MIB1: variants seen among roughly 807,000 people sequenced by gnomAD.
MIB1 encodes the protein E3 ubiquitin-protein ligase MIB1.
Under a neutral mutation model 124.5 loss-of-function variants are expected in MIB1, and 278 were observed. The ratio of observed to expected loss-of-function variants is 2.23; its 90% confidence interval spans 2.02 to 2.47. The LOEUF is 2.47. Among genes scored for constraint, MIB1 ranks in the 30% most tolerant of loss-of-function variants. The probability of loss-of-function intolerance (pLI) is 0.00; values close to 1 mark genes in which losing one functional copy is unlikely to be tolerated. For missense variants in MIB1, 957 were observed against 1,254.4 expected, an observed-to-expected ratio of 0.76 and a Z score of 3.58; for synonymous variants, 446 against 429.4, an observed-to-expected ratio of 1.04 and a Z score of -0.48.
At chr18:21,854,492 A>T (rs940581167) in intron 18 of MIB1, 4 of 153,804 alleles carry the variant, frequency 2.6e-5, no homozygotes, top group African/African-American at 9.7e-5. Context: ...CCTACATGAG[A>T]CTTGAAAGAT....
At chr18:21,831,389 C>T (rs1568218977) in intron 12 of MIB1, 1 of 151,358 alleles carries the variant, frequency 6.6e-6, no homozygotes, top group Non-Finnish European at 1.5e-5. Flanking sequence ...ACGAGGCTAA[C>T]TTATATTCTT....
intron 2 of MIB1, among the ~76,000 whole-genome samples, chr18:21,767,129 G>T (rs148504184): frequency 5.9e-5 from 9 of 152,084 alleles, no homozygotes; most frequent in Admixed American, 2.6e-4. Flanking sequence ...GTATTTTACC[G>T]ATACATACAT....
chr18:21,775,465 C>T (rs1490894515), intron 4 of MIB1, among the ~76,000 whole-genome samples: 9 of 152,178 alleles, frequency 5.9e-5, no homozygotes, highest in African/African-American at 2.2e-4. Flanking sequence ...TGGTTTTGAA[C>T]TCCTGAGTTC....
At chr18:21,770,104 T>C (rs1038849836) in intron 3 of MIB1, among the ~76,000 whole-genome samples, 8 of 152,186 alleles carry the variant, frequency 5.3e-5, no homozygotes, top group African/African-American at 1.9e-4. Context: ...CCAGGGAGGC[T>C]GAGGCAGGAG....
chr18:21,741,029 G>A lies in MIB1; in HGVS notation c.-555G>A, dbSNP rs1009287958. Among the ~76,000 whole-genome samples, 14 of 151,754 alleles carry A rather than the reference G, an allele frequency of 9.2e-5. No homozygotes were observed. The highest frequency in any genetic ancestry group is 7.2e-4 in the Admixed American group (11 of 15,268). On this transcript the variant is annotated 5_prime_UTR_variant, in exon 1 of 21. Coordinates refer to ENST00000261537, the MANE Select transcript of MIB1 (RefSeq NM_020774.4). This position sits in a 1 kb window ranked among gnomAD's most constrained non-coding sequence, Gnocchi z 5.4. ...GCTGGTGCGGGGGCAGAGAGAAGGG[G>A]GCCTGAGGGCCCGGGCGCTCGCCGG...
chr18:21,735,384 AT>A (rs1296209142), intron 1 of MIB1, among the ~76,000 whole-genome samples: 2 of 152,100 alleles, frequency 1.3e-5, no homozygotes, highest in African/African-American at 4.8e-5. Context: ...AGACCAGGAA[AT>A]TCCCTCCGGT....
chr18:21,807,797 G>A (rs1272347201), intron 10 of MIB1, among the ~76,000 whole-genome samples: 1 of 152,116 alleles, frequency 6.6e-6, no homozygotes, highest in Non-Finnish European at 1.5e-5. Context: ...TTCATAATTT[G>A]CCAGCCTGTT....
At chr18:21,836,375 G>A (rs572449300) in intron 12 of MIB1, among the ~76,000 whole-genome samples, 51 of 149,132 alleles carry the variant, frequency 3.4e-4, no homozygotes, top group African/African-American at 1.2e-3. Flanking sequence ...CTGCGTTCAC[G>A]CCATTCTCCT....
chr18:21,716,063 C>T lies in MIB1; in HGVS notation n.167+10940C>T, dbSNP rs150440583. On this transcript the variant is annotated intron_variant and non_coding_transcript_variant, in intron 1 of 20. Transcript: ENST00000578646. ...GATCATTGCCTAGGCACATTGTCAT[C>T]AGGTTACCTAAAGTTAAGAAGGAAG... is the stretch of plus-strand genomic sequence containing the variant. 7.9e-3 allele frequency among the ~76,000 whole-genome samples: 1,202 copies of T among 152,234 alleles called. 17 individuals carry two copies. The highest frequency in any genetic ancestry group is 0.028 in the African/African-American group (1,147 of 41,522).
intron 14 of MIB1, among the ~76,000 whole-genome samples, chr18:21,843,852 C>T (rs1341089768): frequency 6.6e-6 from 1 of 152,154 alleles, no homozygotes; most frequent in Non-Finnish European, 1.5e-5. Flanking sequence ...AATTAAGCAA[C>T]ATATTGATTC....
At chr18:21,782,728 C>T (rs1432938532) in intron 6 of MIB1, among the ~76,000 whole-genome samples, 1 of 152,084 alleles carries the variant, frequency 6.6e-6, no homozygotes, top group Non-Finnish European at 1.5e-5. Flanking sequence ...CTGATGAGAA[C>T]AGTGTGTATT....
intron 3 of MIB1, 74 bp downstream of exon 3, chr18:21,768,826 A>T (rs1321495243): frequency 7.7e-7 from 1 of 1,295,466 alleles, no homozygotes; most frequent in Non-Finnish European, 1.0e-6. Flanking sequence ...ACTACTATAA[A>T]TGAATTTCTT....
At chr18:21,844,663 A>T (rs1162878774) in intron 15 of MIB1, among the ~76,000 whole-genome samples, 1 of 152,184 alleles carries the variant, frequency 6.6e-6, no homozygotes, top group Non-Finnish European at 1.5e-5. Flanking sequence ...TCCTGACCTC[A>T]GGTGATCCAC....
intron 1 of MIB1, among the ~76,000 whole-genome samples, chr18:21,705,745 A>C (rs190044293): frequency 6.6e-6 from 1 of 152,340 alleles, no homozygotes; most frequent in East Asian, 1.9e-4. Context: ...TTTGGCTCCG[A>C]TTTGGTCATT....
upstream of MIB1, among the ~76,000 whole-genome samples, chr18:21,740,595 C>G (rs1466187518): frequency 1.3e-5 from 2 of 152,242 alleles, no homozygotes; most frequent in Non-Finnish European, 2.9e-5. Flanking sequence ...TCCAGCAGCC[C>G]GGGTAGCTTC....
At chr18:21,734,678 G>GCCA (rs58667160) in intron 1 of MIB1, among the ~76,000 whole-genome samples, 40,550 of 151,494 alleles carry the variant, frequency 0.27, 6,007 homozygotes, top group South Asian at 0.4. Context: ...ACAAGCGCAT[G>GCCA]CCACCACGCC....
At position 21,741,114 on chromosome 18, in the gene MIB1, C is replaced by T. The variant is rs947760291; in HGVS notation, c.-470C>T. ...GAGGCGGCGCCGGCGCTTGGGTGCC[C>T]GCCCCCGAGCGAGGGGCCGGGGTGG... On this transcript the variant is annotated 5_prime_UTR_variant, in exon 1 of 21. Transcript: ENST00000261537. The surrounding 1 kb of genome is among the most constrained non-coding windows in gnomAD (Gnocchi z 5.4). Among the ~76,000 whole-genome samples the T allele has an allele frequency of 1.3e-5, 2 of 152,038 alleles. No homozygotes were observed. The highest frequency in any genetic ancestry group is 1.9e-4 in the East Asian group (1 of 5,152).
At chr18:21,848,694 T>A (rs1461717650) in intron 16 of MIB1, among the ~76,000 whole-genome samples, 1 of 152,172 alleles carries the variant, frequency 6.6e-6, no homozygotes, top group Admixed American at 6.5e-5. Context: ...AATTTTATGT[T>A]CCTTAAGGAT....
intron 1 of MIB1, among the ~76,000 whole-genome samples, chr18:21,760,812 A>G (rs2041089499): frequency 6.6e-6 from 1 of 152,232 alleles, no homozygotes; most frequent in Non-Finnish European, 1.5e-5. Flanking sequence ...TCTTTCATCA[A>G]CCAAGTCACA....
Sources: gnomAD v4.1 joint callset for allele counts (sites outside exome capture counted in the v4.1 genomes callset) on GRCh38, gnomAD v4.1.1 for gene constraint, Gnocchi (gnomAD v3.1) non-coding constraint, MANE v1.5 for transcripts, NCBI Gene and HGNC (gene_info 2026-07-23, HGNC 2026-07-21) for gene names.